The following UST variants were observed in gnomAD, a reference collection of about 807,000 sequenced individuals.
UST encodes the protein uronyl 2-sulfotransferase.
In UST, 21 loss-of-function variants were observed where a neutral mutation model predicts 45.6. That is an observed-to-expected ratio of 0.46 (90% CI 0.33 to 0.66). UST has a LOEUF of 0.66. Ranked by LOEUF, UST falls within the 30% of genes least tolerant of loss-of-function variation. The probability of loss-of-function intolerance (pLI) is 0.02; values close to 1 mark genes in which losing one functional copy is unlikely to be tolerated. For synonymous variants in UST, 215 were observed against 200.6 expected (o/e 1.07, Z -0.61); for missense variants, 463 against 512.4 (o/e 0.90, Z 0.93).
In UST at chr6:148,801,071, T is replaced by A. The variant is rs183339323; in HGVS notation, c.247+53394T>A. Among the ~76,000 whole-genome samples the A allele has an allele frequency of 2.0e-4, 31 of 152,240 alleles. 1 individual carries two copies. The East Asian group carries it at 5.8e-3, about 28-fold the overall frequency. On this transcript the variant is annotated intron_variant, in intron 1 of 7. Transcript: ENST00000367463. ...ATAGCTTGCAACTCCATCAGTGAGGTTGATCAGGAGTGAAGCTGCCTCATC... is the reference window on the plus strand; with the variant it reads ...ATAGCTTGCAACTCCATCAGTGAGGATGATCAGGAGTGAAGCTGCCTCATC...
rs187933892 is a variant in UST at position 148,869,014 on chromosome 6, T to C, written c.248-17972T>C. On this transcript the variant is annotated intron_variant, in intron 1 of 7. Coordinates refer to ENST00000367463, the MANE Select transcript of UST (RefSeq NM_005715.3). ...TAAGTTTTATTCTTCCTGCTTTACC[T>C]CTAGGGAAACTAAAACTCAGAAACT... Among the ~76,000 whole-genome samples the C allele has an allele frequency of 2.5e-3, 375 of 152,286 alleles. 2 individuals are homozygous for C. The highest frequency in any genetic ancestry group is 7.9e-3 in the African/African-American group (330 of 41,554).
At chr6:148,888,910 T>C (rs943434435) in intron 2 of UST, among the ~76,000 whole-genome samples, 1 of 152,212 alleles carries the variant, frequency 6.6e-6, no homozygotes, top group Non-Finnish European at 1.5e-5. Context: ...GTCTAACTCG[T>C]CTCAGTATCC....
chr6:149,030,978 G>A (rs942012533), intron 7 of UST, among the ~76,000 whole-genome samples: 1 of 152,110 alleles, frequency 6.6e-6, no homozygotes, highest in African/African-American at 2.4e-5. Flanking sequence ...TTAAGCCAAG[G>A]CAGGTGGATC....
intron 1 of UST, among the ~76,000 whole-genome samples, chr6:148,815,136 T>C (rs1777331624): frequency 6.6e-6 from 1 of 152,210 alleles, no homozygotes; most frequent in Non-Finnish European, 1.5e-5. Context: ...CACTTACTTG[T>C]AAAAAGCAAG....
chr6:148,761,809 G>A (rs1776227999), intron 1 of UST, among the ~76,000 whole-genome samples: 2 of 152,156 alleles, frequency 1.3e-5, no homozygotes, highest in Non-Finnish European at 1.5e-5. Flanking sequence ...TATAACCCCC[G>A]AGTGTGGAGC....
intron 5 of UST, among the ~76,000 whole-genome samples, chr6:148,995,504 C>G (rs913169660): frequency 3.9e-5 from 6 of 152,196 alleles, no homozygotes; most frequent in African/African-American, 1.4e-4. Context: ...ATTACAAACT[C>G]TACTTGTTCC....
intron 1 of UST, among the ~76,000 whole-genome samples, chr6:148,866,214 G>C (rs75173172): frequency 0.014 from 2,044 of 145,854 alleles, 30 homozygotes; most frequent in Admixed American, 0.027. Context: ...AAATAACATA[G>C]TTTAGAAAAC....
chr6:148,804,750 T>C (rs1190937726), intron 1 of UST, among the ~76,000 whole-genome samples: 1 of 151,740 alleles, frequency 6.6e-6, no homozygotes, highest in Non-Finnish European at 1.5e-5. Context: ...AAAATCAATA[T>C]TTAATGGGAA....
At chr6:148,845,440 A>G (rs2114778576) in intron 1 of UST, among the ~76,000 whole-genome samples, 2 of 152,246 alleles carry the variant, frequency 1.3e-5, no homozygotes, top group Non-Finnish European at 2.9e-5. Flanking sequence ...TCAGTGGTTC[A>G]TTGATTTTTA....
At chr6:149,003,479 A>G (rs1781591404) in intron 5 of UST, among the ~76,000 whole-genome samples, 2 of 152,102 alleles carry the variant, frequency 1.3e-5, no homozygotes, top group South Asian at 4.1e-4. Flanking sequence ...TAGTAGTTTT[A>G]TAAATAATTC....
chr6:148,964,377 G>T, intron 4 of UST, 33 bp from the exon 5 acceptor site: 1 of 1,612,044 alleles, frequency 6.2e-7, no homozygotes. Context: ...GTCCTGCAGT[G>T]ATGGGTTGTA....
At chr6:148,881,068 T>G (rs1025834669) in intron 1 of UST, among the ~76,000 whole-genome samples, 1 of 151,930 alleles carries the variant, frequency 6.6e-6, no homozygotes, top group South Asian at 2.1e-4. Context: ...GTAGTGTTGT[T>G]GGTTTTGGTG....
chr6:148,845,854 C>G (rs1281060484), intron 1 of UST, among the ~76,000 whole-genome samples: 1 of 152,014 alleles, frequency 6.6e-6, no homozygotes, highest in Non-Finnish European at 1.5e-5. Context: ...AAATGCTCAT[C>G]ATCACTGGCC....
chr6:148,850,046 T>C (rs1214114448), intron 1 of UST, among the ~76,000 whole-genome samples: 1 of 152,238 alleles, frequency 6.6e-6, no homozygotes, highest in Non-Finnish European at 1.5e-5. Flanking sequence ...TGATATATAC[T>C]AATTCTCACC....
At chr6:149,047,560 G>A (rs1776412745) in intron 7 of UST, among the ~76,000 whole-genome samples, 1 of 152,058 alleles carries the variant, frequency 6.6e-6, no homozygotes, top group African/African-American at 2.4e-5. Flanking sequence ...TGGCCATTTT[G>A]GGATACTTAA....
chr6:148,757,018 G>A (rs1478462939), intron 1 of UST, among the ~76,000 whole-genome samples: 1 of 152,350 alleles, frequency 6.6e-6, no homozygotes, highest in South Asian at 2.1e-4. Flanking sequence ...AGTACATATA[G>A]TTTTGTTTAG....
intron 1 of UST, among the ~76,000 whole-genome samples, chr6:148,810,482 A>C (rs1276493264): frequency 6.6e-6 from 1 of 152,160 alleles, no homozygotes; most frequent in East Asian, 1.9e-4. Flanking sequence ...ATAGATCCCC[A>C]CAGTAGTTTG....
intron 1 of UST, among the ~76,000 whole-genome samples, chr6:148,867,323 CACACAT>C (rs138346585): frequency 0.07 from 7,978 of 114,326 alleles, 227 homozygotes; most frequent in African/African-American, 0.13. Context: ...CACACACACA[CACACAT>C]ATATATGTAC....
intron 2 of UST, among the ~76,000 whole-genome samples, chr6:148,919,304 T>C (rs777198425): frequency 3.8e-4 from 58 of 152,322 alleles, no homozygotes; most frequent in Admixed American, 1.5e-3. Flanking sequence ...AGCTCACAGC[T>C]GTAATAGTTC....
Sources: gnomAD v4.1 joint callset for allele counts (sites outside exome capture counted in the v4.1 genomes callset) on GRCh38, gnomAD v4.1.1 for gene constraint, MANE v1.5 for transcripts, NCBI Gene and HGNC (gene_info 2026-07-23, HGNC 2026-07-21) for gene names.